Variants in SATB1 observed in about 807,000 individuals in gnomAD.
SATB1 encodes SATB homeobox 1, also known as DNA-binding protein SATB1.
Under a neutral mutation model 86.9 loss-of-function variants are expected in SATB1, and 11 were observed. That is an observed-to-expected ratio of 0.13 (90% CI 0.08 to 0.21). The LOEUF is 0.21. SATB1 is among the 10% of genes least tolerant of loss of function. SATB1 has a pLI of 1.00. For missense variants in SATB1, 551 were observed against 937.6 expected, an observed-to-expected ratio of 0.59 and a Z score of 5.39; for synonymous variants, 357 against 357.2, an observed-to-expected ratio of 1.00 and a Z score of 0.01.
intron 5 of SATB1, 82 bp downstream of exon 5, chr3:18,415,029 C>G (rs1299279592): frequency 3.3e-6 from 5 of 1,528,678 alleles, no homozygotes; most frequent in Non-Finnish European, 4.5e-6. Flanking sequence ...ATACCAGTTG[C>G]TTTAAACCAG....
chr3:18,416,040 T>A lies in SATB1; in HGVS notation c.482A>T (p.Tyr161Phe). The A allele has an allele frequency of 6.2e-7, 1 of 1,607,212 alleles. No homozygotes were observed. The change falls in exon 4 of 11, where the codon TAT becomes TTT. Residue 161 changes from tyrosine to phenylalanine, a missense_variant. Physicochemically the swap from Tyr to Phe is conservative, Grantham distance 22. Transcript: ENST00000338745. Reference protein sequence around the residue: ...ATVADMLQDVYHVVTLKIQLH... With the variant: ...ATVADMLQDVFHVVTLKIQLH... ...CTGAATTTTCAATGTGACCACATGA[T>A]ACACATCTTGAAGCATATCTGCTAC...
chr3:18,370,968 T>A (rs1318182575), intron 9 of SATB1, among the ~76,000 whole-genome samples: 2 of 152,358 alleles, frequency 1.3e-5, no homozygotes, highest in Admixed American at 6.5e-5. Flanking sequence ...GGAAACCATG[T>A]GTTGCAATGG....
intron 2 of SATB1, among the ~76,000 whole-genome samples, chr3:18,417,961 A>T (rs1698203052): frequency 6.6e-6 from 1 of 152,170 alleles, no homozygotes; most frequent in Admixed American, 6.6e-5. Context: ...CCACACTACT[A>T]TTAGAAAGAG....
chr3:18,416,700 A>T (rs181428103), intron 3 of SATB1, among the ~76,000 whole-genome samples: 1 of 152,108 alleles, frequency 6.6e-6, no homozygotes, highest in African/African-American at 2.4e-5. Flanking sequence ...TAAAAAAAAA[A>T]TCTACCTCGA....
Position 18,346,696 on chromosome 3 carries a change from T to C in SATB1, c.*2474A>G, listed in dbSNP as rs549029122. On this transcript the variant is annotated 3_prime_UTR_variant, in exon 11 of 11. Transcript: ENST00000338745. ...TAAGTGGGAATTTTGTTAGCATTGT[T>C]ATGTTGATTACCAAACAAACATTCA... is the stretch of plus-strand genomic sequence containing the variant. The C allele has an allele frequency of 2.6e-5, 4 of 152,186 alleles. No individual in the cohort carries two copies. The South Asian group carries it at 6.2e-4, about 24-fold the overall frequency. 9.4% of individuals were successfully genotyped at this position (152,186 alleles called of 1,614,324 possible).
intron 7 of SATB1, among the ~76,000 whole-genome samples, chr3:18,391,969 G>C (rs1307100291): frequency 6.6e-6 from 1 of 152,148 alleles, no homozygotes; most frequent in Non-Finnish European, 1.5e-5. Context: ...AATTAATATT[G>C]AAATATATAT....
intron 9 of SATB1, among the ~76,000 whole-genome samples, chr3:18,377,650 A>G (rs1695830108): frequency 6.6e-6 from 1 of 151,716 alleles, no homozygotes; most frequent in East Asian, 1.9e-4. Context: ...ATGCAAAGCT[A>G]TGTGTGTGTG....
intron 5 of SATB1, among the ~76,000 whole-genome samples, chr3:18,404,803 A>G (rs1575148912): frequency 8.9e-6 from 1 of 112,214 alleles, no homozygotes; most frequent in East Asian, 5.4e-4. Flanking sequence ...CCTAACTCAA[A>G]CCAAATGAAT....
intron 8 of SATB1, among the ~76,000 whole-genome samples, chr3:18,379,989 T>C (rs9832159): frequency 0.61 from 93,070 of 151,966 alleles, 29,081 homozygotes; most frequent in East Asian, 0.93. Flanking sequence ...CAATAATCTG[T>C]TAAACACCAC....
chr3:18,441,489 C>A (rs1485868326), upstream of SATB1, among the ~76,000 whole-genome samples: 1 of 152,138 alleles, frequency 6.6e-6, no homozygotes, highest in East Asian at 1.9e-4. Context: ...TAGTCATATG[C>A]ATTTATTTTA....
intron 10 of SATB1, chr3:18,351,260 A>T: frequency 6.9e-7 from 1 of 1,439,448 alleles, no homozygotes; most frequent in Non-Finnish European, 9.4e-7. Context: ...GCAGGTCTTT[A>T]GGTCACCCCC....
At chr3:18,445,281 G>GAGCCC in intron 1 of SATB1, 2 of 984,180 alleles carry the variant, frequency 2.0e-6, no homozygotes, top group African/African-American at 1.8e-5. Flanking sequence ...GAGCCGAGCC[G>GAGCCC]AGCCCGAGCC....
chr3:18,388,809 T>C (rs9851736), intron 7 of SATB1, among the ~76,000 whole-genome samples: 92,505 of 151,932 alleles, frequency 0.61, 28,735 homozygotes, highest in East Asian at 0.93. Flanking sequence ...GGATGTTATT[T>C]GGGAAACTTG....
chr3:18,428,042 AAAAG>A (rs1698767771), upstream of SATB1, among the ~76,000 whole-genome samples: 3 of 152,348 alleles, frequency 2.0e-5, no homozygotes, highest in Admixed American at 2.0e-4. Context: ...AAATAACAAA[AAAAG>A]AAAGAAATTT....
chr3:18,433,549 A>G (rs1324389439), intron 2 of SATB1, among the ~76,000 whole-genome samples: 3 of 152,094 alleles, frequency 2.0e-5, no homozygotes, highest in African/African-American at 7.2e-5. Flanking sequence ...ATTTTATATT[A>G]AAAACTTGTA....
chr3:18,417,798 A>C, intron 2 of SATB1: 1 of 601,866 alleles, frequency 1.7e-6, no homozygotes, highest in Non-Finnish European at 2.9e-6. Context: ...TAAAATCAAC[A>C]ATCTTTGTTA....
chr3:18,445,508 G>T, intron 1 of SATB1: 1 of 985,560 alleles, frequency 1.0e-6, no homozygotes, highest in Non-Finnish European at 1.2e-6. Flanking sequence ...CGCCAACCCT[G>T]CCCCCTCACC....
chr3:18,383,225 A>G (rs1165888167), intron 8 of SATB1, among the ~76,000 whole-genome samples: 1 of 152,208 alleles, frequency 6.6e-6, no homozygotes, highest in African/African-American at 2.4e-5. Context: ...TGGGCCACCA[A>G]GGAGCTCTGG....
At chr3:18,401,646 T>C (rs1697273213) in intron 5 of SATB1, among the ~76,000 whole-genome samples, 1 of 152,120 alleles carries the variant, frequency 6.6e-6, no homozygotes, top group African/African-American at 2.4e-5. Context: ...TGCTACACGG[T>C]ACACCAACCA....
Sources: gnomAD v4.1 joint callset for allele counts (sites outside exome capture counted in the v4.1 genomes callset) on GRCh38, gnomAD v4.1.1 for gene constraint, MANE v1.5 for transcripts, NCBI Gene and HGNC (gene_info 2026-07-23, HGNC 2026-07-21) for gene names.